Variants in PRKCB observed in about 807,000 individuals in gnomAD.
The protein encoded by PRKCB is protein kinase C beta.
PRKCB carries 13 observed loss-of-function variants against 81.5 expected under a neutral mutation model. The observed-to-expected ratio is 0.16, with a 90% CI of 0.10 to 0.25. PRKCB has a LOEUF of 0.25. PRKCB is among the 10% of genes least tolerant of loss of function. The probability of loss-of-function intolerance (pLI) is 1.00; values close to 1 mark genes in which losing one functional copy is unlikely to be tolerated. For synonymous variants in PRKCB, 335 were observed against 321.4 expected (o/e 1.04, Z -0.45); for missense variants, 509 against 875.7 (o/e 0.58, Z 5.29).
chr16:24,098,002 C>T (rs1966464221), intron 7 of PRKCB, among the ~76,000 whole-genome samples: 1 of 152,126 alleles, frequency 6.6e-6, no homozygotes, highest in African/African-American at 2.4e-5. Flanking sequence ...TTGGCTTTTC[C>T]TGAATTCCAA....
At chr16:24,108,920 TAG>T (rs1491094320) in intron 7 of PRKCB, among the ~76,000 whole-genome samples, 5 of 148,228 alleles carry the variant, frequency 3.4e-5, no homozygotes, top group Non-Finnish European at 7.5e-5. Flanking sequence ...CACTTCCCAG[TAG>T]GGGCGGCCGG....
intron 2 of PRKCB, among the ~76,000 whole-genome samples, chr16:23,915,440 T>A (rs1332817185): frequency 1.3e-5 from 2 of 151,992 alleles, no homozygotes; most frequent in Non-Finnish European, 2.9e-5. Flanking sequence ...ACCCCAGCAC[T>A]TCGGGAGGCA....
At chr16:24,212,718 C>T (rs1180266090) in intron 16 of PRKCB, among the ~76,000 whole-genome samples, 3 of 151,980 alleles carry the variant, frequency 2.0e-5, no homozygotes, top group East Asian at 1.9e-4. Flanking sequence ...CTGCCCACCT[C>T]GGCCTCCCAA....
intron 3 of PRKCB, among the ~76,000 whole-genome samples, chr16:24,029,027 G>A (rs1965518723): frequency 6.6e-6 from 1 of 152,134 alleles, no homozygotes; most frequent in African/African-American, 2.4e-5. Flanking sequence ...CTGACCTCAA[G>A]CGATCTGCCC....
chr16:24,051,430 T>C (rs941305677), intron 5 of PRKCB, among the ~76,000 whole-genome samples: 1 of 151,002 alleles, frequency 6.6e-6, no homozygotes, highest in African/African-American at 2.4e-5. Context: ...CATGAAGGAG[T>C]TGGTTGGAGG....
In PRKCB at chr16:24,094,893, G is replaced by GAAGA. The variant is rs1225522838; in HGVS notation, c.821+605_821+608dup. On this transcript the variant is annotated intron_variant, in intron 7 of 16. Coordinates refer to ENST00000643927, the MANE Select transcript of PRKCB (RefSeq NM_002738.7). ...GAAAGGGAAAGGAAGAAGAAAGAAA[G>GAAGA]AAGAAAGAAAGACGGAAAGCAGGAA... Among the ~76,000 whole-genome samples, 27 of 150,374 alleles carry GAAGA rather than the reference G, an allele frequency of 1.8e-4. No homozygotes were observed. In the East Asian group the frequency reaches 5.3e-3, roughly 29 times the overall value.
chr16:24,113,745 T>C (rs1966706175), intron 8 of PRKCB, among the ~76,000 whole-genome samples: 1 of 152,138 alleles, frequency 6.6e-6, no homozygotes, highest in South Asian at 2.1e-4. Context: ...AAGGTTGTTT[T>C]ATCTCCTAGA....
intron 2 of PRKCB, among the ~76,000 whole-genome samples, chr16:23,927,236 G>T (rs1963910144): frequency 6.6e-6 from 1 of 152,046 alleles, no homozygotes; most frequent in South Asian, 2.1e-4. Context: ...ACTAAGTAAA[G>T]GAGGATGTGG....
intron 2 of PRKCB, among the ~76,000 whole-genome samples, chr16:23,928,035 G>A (rs1963920267): frequency 6.6e-6 from 1 of 151,898 alleles, no homozygotes; most frequent in Admixed American, 6.6e-5. Context: ...AAGAGAGGAG[G>A]GGCCCAGGCT....
intron 2 of PRKCB, among the ~76,000 whole-genome samples, chr16:23,970,712 G>A (rs545251755): frequency 6.6e-6 from 1 of 152,322 alleles, no homozygotes; most frequent in East Asian, 1.9e-4. Flanking sequence ...AGAGATTGTG[G>A]TGTTACAGGG....
At chr16:24,041,093 A>G (rs1471872208) in intron 5 of PRKCB, among the ~76,000 whole-genome samples, 1 of 148,324 alleles carries the variant, frequency 6.7e-6, no homozygotes, top group Non-Finnish European at 1.5e-5. Context: ...GCTGTCACCC[A>G]GGCTGGAGTG....
chr16:24,045,810 A>G (rs528064289), intron 5 of PRKCB, among the ~76,000 whole-genome samples: 20 of 152,374 alleles, frequency 1.3e-4, no homozygotes, highest in African/African-American at 4.8e-4. Context: ...GCCCTGCTGC[A>G]GAGGATCGCA....
At chr16:23,982,154 CCCCTT>C (rs1964739418) in intron 2 of PRKCB, among the ~76,000 whole-genome samples, 1 of 38,686 alleles carries the variant, frequency 2.6e-5, no homozygotes, top group Non-Finnish European at 4.9e-5. Flanking sequence ...CCTTTCCCTT[CCCCTT>C]CCCTTTCCCT....
chr16:24,136,530 T>C (rs755415254), intron 9 of PRKCB, among the ~76,000 whole-genome samples: 2 of 152,188 alleles, frequency 1.3e-5, no homozygotes, highest in Non-Finnish European at 2.9e-5. Context: ...TGCTTCTCGA[T>C]GACATCTCTC....
chr16:23,966,683 A>G (rs1964491430), intron 2 of PRKCB, among the ~76,000 whole-genome samples: 1 of 152,178 alleles, frequency 6.6e-6, no homozygotes, highest in South Asian at 2.1e-4. Flanking sequence ...GGGGACTTAC[A>G]TGAGTGAATT....
chr16:24,191,265 C>CTTGCCTGTGCCTCGTGTTT lies in PRKCB; in HGVS notation c.1863+35_1863+36insTTGCCTGTGCCTCGTGTTT. ...CCATTCTCTCTGACTGCCGGGTATTCACACACAAGGTATTCTTGCCTGTGC... is the reference window on the plus strand; with the variant it reads ...CCATTCTCTCTGACTGCCGGGTATTCTTGCCTGTGCCTCGTGTTTACACACAAGGTATTCTTGCCTGTGC... On this transcript the variant is annotated intron_variant, in intron 16 of 16. Transcript: ENST00000643927. 2.5e-6 allele frequency: 4 copies of CTTGCCTGTGCCTCGTGTTT among 1,612,286 alleles called. No individual in the cohort carries two copies. The South Asian group carries it at 4.4e-5, about 18-fold the overall frequency.
chr16:24,030,743 G>C (rs1322452271), intron 3 of PRKCB, among the ~76,000 whole-genome samples: 1 of 149,336 alleles, frequency 6.7e-6, no homozygotes, highest in Admixed American at 6.7e-5. Flanking sequence ...TTAAAAATTA[G>C]CTGGGCAGGT....
rs552025348 is a variant in PRKCB, at chr16:23,910,352, A to C, written c.205+72946A>C. 4.6e-5 allele frequency among the ~76,000 whole-genome samples: 7 copies of C among 152,236 alleles called. No individual in the cohort carries two copies. The South Asian group carries it at 1.5e-3, about 32-fold the overall frequency. On this transcript the variant is annotated intron_variant, in intron 2 of 16. Transcript: ENST00000643927. ...GAGATTTGGGGACGGGGTGGTACTT[A>C]AGACCTGGCACTAATTAACACTAGA...
At chr16:23,886,559 C>T (rs1567302751) in intron 2 of PRKCB, among the ~76,000 whole-genome samples, 2 of 151,656 alleles carry the variant, frequency 1.3e-5, no homozygotes, top group Admixed American at 6.6e-5. Flanking sequence ...ATTACAGGCA[C>T]GCACCACCAC....
Sources: allele counts gnomAD v4.1 joint callset (sites outside exome capture counted in the v4.1 genomes callset), GRCh38; gene constraint gnomAD v4.1.1; transcripts MANE v1.5; gene names NCBI Gene and HGNC (gene_info 2026-07-23, HGNC 2026-07-21).